The following NPEPPS variants were observed in gnomAD, a reference collection of about 807,000 sequenced individuals.
The protein encoded by NPEPPS is aminopeptidase puromycin sensitive, also known as puromycin-sensitive aminopeptidase.
Under a neutral mutation model 115.5 loss-of-function variants are expected in NPEPPS, and 14 were observed. That is an observed-to-expected ratio of 0.12 (90% CI 0.08 to 0.19). The LOEUF (loss-of-function observed/expected upper bound fraction) is 0.19, where lower values mean the gene tolerates loss of function less well. Ranked by LOEUF, NPEPPS falls within the 10% of genes least tolerant of loss-of-function variation. NPEPPS has a pLI of 1.00. For missense variants in NPEPPS, 523 were observed against 1,110.8 expected (o/e 0.47, Z 7.52); for synonymous variants, 285 against 390.6 (o/e 0.73, Z 3.19).
Position 47,590,719 on chromosome 17 carries a change from A to G in NPEPPS, c.1098A>G (p.Glu366=). Residue 366 remains glutamate (E), a splice_region_variant and synonymous_variant, in exon 10 of 23, where the codon GAA becomes GAG. Coordinates refer to ENST00000322157, the MANE Select transcript of NPEPPS (RefSeq NM_006310.4). ...GTATTTTCATCTTTTGTTTTTAGGA[A>G]TGGTGGACTCATCTTTGGTTAAATG... ...HQWFGNLVTM[E]WWTHLWLNEG... The G allele has an allele frequency of 6.2e-7, 1 of 1,606,900 alleles. No individual in the cohort carries two copies. The highest frequency in any genetic ancestry group is 8.5e-7 in the Non-Finnish European group (1 of 1,176,830).
At position 47,568,173 on chromosome 17, in the gene NPEPPS, T is replaced by C. The variant is rs1910951866; in HGVS notation, c.341-1244T>C. 3.3e-5 allele frequency among the ~76,000 whole-genome samples: 5 copies of C among 149,992 alleles called. No individual in the cohort carries two copies. In the South Asian group the frequency reaches 8.4e-4, roughly 25 times the overall value. On this transcript the variant is annotated intron_variant, in intron 2 of 22. Coordinates refer to ENST00000322157, the MANE Select transcript of NPEPPS (RefSeq NM_006310.4). ...TACCTTATACTTTTTTTTTTTTTTT[T>C]CTTTTTTTGAGACAGAGTCTCGCTC... is the stretch of plus-strand genomic sequence containing the variant.
intron 12 of NPEPPS, 119 bp downstream of exon 12, chr17:47,592,664 G>C (rs1429990714): frequency 1.1e-6 from 1 of 912,064 alleles, no homozygotes; most frequent in Admixed American, 3.0e-5. Context: ...AAATAAATTA[G>C]CCTTATTTGA....
chr17:47,530,696 A>T (rs1158720950), upstream of NPEPPS, among the ~76,000 whole-genome samples: 2 of 152,206 alleles, frequency 1.3e-5, no homozygotes, highest in South Asian at 4.1e-4. Context: ...TCATCCTTTG[A>T]ATTTGCTACT....
intron 9 of NPEPPS, 70 bp downstream of exon 9, chr17:47,587,414 T>C (rs1307086702): frequency 7.2e-7 from 1 of 1,393,656 alleles, no homozygotes; most frequent in East Asian, 2.7e-5. Context: ...GGCTACATAG[T>C]ATTTCAAGTT....
chr17:47,559,717 C>T lies in NPEPPS; in HGVS notation c.341-9700C>T, dbSNP rs551264973. On this transcript the variant is annotated intron_variant, in intron 2 of 22. Transcript: ENST00000322157. ...GATATCACTTTTTTGGTTTCAAGCC[C>T]AAAGGAGGGGGTCATTTACTCAAGC... is the stretch of plus-strand genomic sequence containing the variant. The T allele has an allele frequency of 1.9e-4, 87 of 451,340 alleles. 1 individual carries two copies. Among genetic ancestry groups the T allele is most frequent in the South Asian group, 1.3e-3 (84 of 63,636 alleles). 28.0% of individuals were successfully genotyped at this position (451,340 alleles called of 1,614,324 possible).
intron 1 of NPEPPS, among the ~76,000 whole-genome samples, chr17:47,543,483 ATTTTTTT>A (rs1244034572): frequency 2.5e-5 from 3 of 118,132 alleles, no homozygotes; most frequent in East Asian, 2.5e-4. Flanking sequence ...GGCCTGGCTA[ATTTTTTT>A]TTTTTTTTTT....
upstream of NPEPPS, among the ~76,000 whole-genome samples, chr17:47,528,785 G>A (rs577048857): frequency 8.5e-3 from 1,294 of 151,766 alleles, 16 homozygotes; most frequent in African/African-American, 0.03. Context: ...ACAGGCATGC[G>A]CCACCATGCC....
In NPEPPS at chr17:47,622,971, C is replaced by A. The variant is rs749565799; in HGVS notation, c.*1051C>A. 2.2e-6 allele frequency: 1 copy of A among 455,532 alleles called. No homozygotes were observed. The highest frequency in any genetic ancestry group is 4.4e-6 in the Non-Finnish European group (1 of 226,730). The allele number at this position is 455,532 out of a possible 1,614,324, so 28.2% of individuals were successfully genotyped here. A position where few individuals can be genotyped will look rare whatever the true frequency, so the allele number is the denominator to read the frequency against. On this transcript the variant is annotated 3_prime_UTR_variant, in exon 23 of 23. Coordinates refer to ENST00000322157, the MANE Select transcript of NPEPPS (RefSeq NM_006310.4). ...CATTAGTGGTAACTGGTTTAAAAAACAAAGACTGTAAGCCTGTGTGTGCCA... is the reference window on the plus strand; with the variant it reads ...CATTAGTGGTAACTGGTTTAAAAAAAAAAGACTGTAAGCCTGTGTGTGCCA...
intron 1 of NPEPPS, among the ~76,000 whole-genome samples, chr17:47,523,276 T>G (rs1412397797): frequency 6.9e-6 from 1 of 144,372 alleles, no homozygotes; most frequent in East Asian, 2.0e-4. Flanking sequence ...CCTGAATATT[T>G]TGCCTCCCTA....
At chr17:47,552,238 C>T (rs1401796508) in intron 2 of NPEPPS, among the ~76,000 whole-genome samples, 2 of 152,116 alleles carry the variant, frequency 1.3e-5, no homozygotes, top group African/African-American at 4.8e-5. Flanking sequence ...GCTGGGATTA[C>T]AGATATGAGC....
intron 18 of NPEPPS, among the ~76,000 whole-genome samples, chr17:47,612,974 A>G (rs781617907): frequency 2.6e-5 from 4 of 152,072 alleles, no homozygotes; most frequent in Non-Finnish European, 5.9e-5. Flanking sequence ...TTTTTTTAAA[A>G]AGCCTGGAAC....
intron 13 of NPEPPS, among the ~76,000 whole-genome samples, chr17:47,598,156 G>A (rs755297947): frequency 5.3e-5 from 8 of 152,180 alleles, no homozygotes; most frequent in Non-Finnish European, 7.3e-5. Flanking sequence ...TCTCATCTGA[G>A]CATTTCGTTC....
chr17:47,619,406 T>A (rs1914404457), intron 21 of NPEPPS: 1 of 520,116 alleles, frequency 1.9e-6, no homozygotes. Flanking sequence ...ATACAAAAAT[T>A]AGCTGAGCGT....
intron 2 of NPEPPS, among the ~76,000 whole-genome samples, chr17:47,558,785 A>G (rs1351778611): frequency 6.6e-6 from 1 of 151,950 alleles, no homozygotes; most frequent in African/African-American, 2.4e-5. Flanking sequence ...TTGTAATCCC[A>G]GCACTTTGGG....
chr17:47,618,117 G>A (rs1234717683), intron 19 of NPEPPS, among the ~76,000 whole-genome samples: 1 of 151,794 alleles, frequency 6.6e-6, no homozygotes, highest in African/African-American at 2.4e-5. Context: ...TTGACCTCAG[G>A]TGATCCACCC....
intron 17 of NPEPPS, among the ~76,000 whole-genome samples, chr17:47,608,416 T>C (rs984176468): frequency 9.2e-5 from 13 of 141,784 alleles, no homozygotes; most frequent in African/African-American, 3.4e-4. Context: ...ATTGCGCCAT[T>C]GCGCTCCAGC....
chr17:47,606,474 T>A (rs1278708504), intron 17 of NPEPPS, among the ~76,000 whole-genome samples: 2 of 151,096 alleles, frequency 1.3e-5, no homozygotes, highest in South Asian at 2.1e-4. Flanking sequence ...TTTTTTTTTT[T>A]GAGATGGAGT....
rs187845212 is a variant in NPEPPS at position 47,619,035 on chromosome 17, A to G, written c.2430A>G (p.Val810=). 3.5e-5 allele frequency: 57 copies of G among 1,613,960 alleles called. No homozygotes were observed. The African/African-American group carries it at 6.8e-4, about 19-fold the overall frequency. Residue 810 remains valine, a synonymous_variant, in exon 21 of 23, where the codon GTA becomes GTG. Transcript: ENST00000322157. ...LSEEVRPQDT[V]SVIGGVAGGS... is the part of the protein sequence containing the mutation. ...AAGAGGTACGTCCACAGGACACTGT[A>G]TCGGTAATTGGTGGAGTAGCTGGAG...
intron 1 of NPEPPS, among the ~76,000 whole-genome samples, chr17:47,523,587 A>AT (rs1339603788): frequency 6.6e-6 from 1 of 151,786 alleles, no homozygotes; most frequent in Non-Finnish European, 1.5e-5. Context: ...CACCCGGCAA[A>AT]TTTTTTTGCA....
Sources: allele counts gnomAD v4.1 joint callset (sites outside exome capture counted in the v4.1 genomes callset), GRCh38; gene constraint gnomAD v4.1.1; transcripts MANE v1.5; gene names NCBI Gene and HGNC (gene_info 2026-07-23, HGNC 2026-07-21).